PTPN4: variants seen among roughly 807,000 people sequenced by gnomAD.
The protein encoded by PTPN4 is tyrosine-protein phosphatase non-receptor type 4.
PTPN4 carries 49 observed loss-of-function variants against 135.5 expected under a neutral mutation model. The ratio of observed to expected loss-of-function variants is 0.36; its 90% CI spans 0.29 to 0.46. The LOEUF (loss-of-function observed/expected upper bound fraction) is 0.46, where lower values mean the gene tolerates loss of function less well. Ranked by LOEUF, PTPN4 falls within the 20% of genes least tolerant of loss-of-function variation. The pLI is 1.00. For missense variants in PTPN4, 860 were observed against 1,101.0 expected, an observed-to-expected ratio of 0.78 and a Z score of 3.10; for synonymous variants, 333 against 369.9, an observed-to-expected ratio of 0.90 and a Z score of 1.14.
At chr2:119,844,320 G>A (rs1198110516) in intron 2 of PTPN4, among the ~76,000 whole-genome samples, 3 of 133,946 alleles carry the variant, frequency 2.2e-5, no homozygotes, top group African/African-American at 8.6e-5. Context: ...CGGCTGGCCG[G>A]ACGGGGCGGC....
intron 2 of PTPN4, among the ~76,000 whole-genome samples, chr2:119,836,105 C>T (rs1372887329): frequency 6.6e-6 from 1 of 151,796 alleles, no homozygotes; most frequent in Non-Finnish European, 1.5e-5. Flanking sequence ...AAAGGAACCT[C>T]AGAGATCACT....
In PTPN4 at chr2:119,823,038, A is replaced by C. The variant is rs575516061; in HGVS notation, c.138+13047A>C. ...TAACCAGTTTGTAATCAAGCACCTA[A>C]ATATTGCAATCTTATCTCAACCTTT... On this transcript the variant is annotated intron_variant, in intron 2 of 26. Coordinates refer to ENST00000263708, the MANE Select transcript of PTPN4 (RefSeq NM_002830.4). 1.7e-3 allele frequency among the ~76,000 whole-genome samples: 262 copies of C among 152,236 alleles called. 1 individual carries two copies. Among genetic ancestry groups the C allele is most frequent in the Middle Eastern group, 3.4e-3 (1 of 294 alleles).
intron 9 of PTPN4, among the ~76,000 whole-genome samples, chr2:119,900,443 A>G (rs1026564865): frequency 3.9e-4 from 59 of 152,100 alleles, no homozygotes; most frequent in African/African-American, 1.4e-3. Context: ...TTCCTATTCC[A>G]AAGAGTCAGT....
rs1029634071 is a variant in PTPN4, at chr2:119,981,094, A to G, written c.*4024A>G. ...AGGTTGCCAAAGTAATTTTGAATTC[A>G]TAAAAATTGTTTATACCACAATAAT... On this transcript the variant is annotated 3_prime_UTR_variant, in exon 27 of 27. Coordinates refer to ENST00000263708, the MANE Select transcript of PTPN4 (RefSeq NM_002830.4). 3.3e-5 allele frequency: 5 copies of G among 152,088 alleles called. No homozygotes were observed. The highest frequency in any genetic ancestry group is 4.4e-5 in the Non-Finnish European group (3 of 67,928). 9.4% of individuals were successfully genotyped at this position (152,088 alleles called of 1,614,324 possible).
chr2:119,834,668 G>A (rs775218922), intron 2 of PTPN4, among the ~76,000 whole-genome samples: 6 of 152,076 alleles, frequency 3.9e-5, no homozygotes, highest in Non-Finnish European at 8.8e-5. Context: ...GTATTGCATA[G>A]TGGCTCTAAG....
chr2:119,859,727 G>C (rs1350350713), intron 2 of PTPN4, among the ~76,000 whole-genome samples: 1 of 152,198 alleles, frequency 6.6e-6, no homozygotes, highest in Non-Finnish European at 1.5e-5. Flanking sequence ...CCCTAGAGGA[G>C]ATATTATGAA....
rs755456644 is a variant in PTPN4 at position 119,962,622 on chromosome 2, T to A, written c.2287T>A (p.Cys763Ser). 28 of 1,479,524 alleles carry A rather than the reference T, an allele frequency of 1.9e-5. No homozygotes were observed. The highest frequency in any genetic ancestry group is 2.5e-5 in the Non-Finnish European group (28 of 1,099,834). 91.6% of individuals were successfully genotyped at this position (1,479,524 alleles called of 1,614,324 possible). ...TTQVERGRVK[C>S]HQYWPEPTGS... ...TTATTTATATCAATATCAGGTTAAATGTCACCAATATTGGCCAGAACCCAC... is the reference window on the plus strand; with the variant it reads ...TTATTTATATCAATATCAGGTTAAAAGTCACCAATATTGGCCAGAACCCAC... The change falls in exon 24 of 27, where the codon TGT (cysteine) becomes AGT (serine). Residue 763 changes from cysteine to serine, a missense_variant. Cys to Ser is a moderately radical substitution (Grantham distance 112). Coordinates refer to ENST00000263708, the MANE Select transcript of PTPN4 (RefSeq NM_002830.4).
chr2:119,967,705 T>C, intron 25 of PTPN4, 132 bp from the exon 26 acceptor site: 1 of 729,226 alleles, frequency 1.4e-6, no homozygotes, highest in South Asian at 4.3e-5. Flanking sequence ...TGTATTTGGC[T>C]TACTACTTTT....
chr2:119,763,452 A>C (rs973084109), intron 1 of PTPN4, among the ~76,000 whole-genome samples: 2 of 152,110 alleles, frequency 1.3e-5, no homozygotes, highest in Non-Finnish European at 2.9e-5. Context: ...GGGGCTTTTC[A>C]TGTTGTCCCA....
At chr2:119,909,263 T>G (rs1678533709) in intron 10 of PTPN4, among the ~76,000 whole-genome samples, 2 of 152,208 alleles carry the variant, frequency 1.3e-5, no homozygotes, top group African/African-American at 4.8e-5. Context: ...TTCAAAGGAC[T>G]GACTGACTCT....
At chr2:119,970,206 C>A (rs1404784559) in intron 26 of PTPN4, among the ~76,000 whole-genome samples, 1 of 151,890 alleles carries the variant, frequency 6.6e-6, no homozygotes, top group African/African-American at 2.4e-5. Context: ...ATTACAGGCA[C>A]CCGCAACCAC....
At chr2:119,895,916 C>CAA (rs534245263) in intron 9 of PTPN4, among the ~76,000 whole-genome samples, 35,594 of 110,652 alleles carry the variant, frequency 0.32, 4,537 homozygotes, top group South Asian at 0.38. Flanking sequence ...GACTCTGTCT[C>CAA]AAAAAAAAAA....
chr2:119,883,599 G>A (rs946412622), intron 8 of PTPN4, among the ~76,000 whole-genome samples: 3 of 152,130 alleles, frequency 2.0e-5, no homozygotes, highest in South Asian at 2.1e-4. Flanking sequence ...GCAGTGTTGC[G>A]TATTGGCTAA....
At chr2:119,769,108 A>G (rs1406406902) in intron 1 of PTPN4, among the ~76,000 whole-genome samples, 1 of 152,222 alleles carries the variant, frequency 6.6e-6, no homozygotes, top group Non-Finnish European at 1.5e-5. Context: ...AGGCACACTG[A>G]CAGAGCTCCT....
At chr2:119,842,945 A>G (rs1349987418) in intron 2 of PTPN4, among the ~76,000 whole-genome samples, 1 of 152,196 alleles carries the variant, frequency 6.6e-6, no homozygotes, top group Non-Finnish European at 1.5e-5. Flanking sequence ...AGCATAAAGT[A>G]TTATATATGA....
rs370792318 is a variant in PTPN4, at chr2:119,945,173, C to T, written c.1448C>T (p.Ser483Leu). ...NSWNQIHYSH[S>L]QQDLESHINE... Reference sequence around the variant, plus strand: ...TGGAACCAAATTCATTATTCACATTCGCAACAAGATCTAGAAAGTCATATT... The same window carrying T: ...TGGAACCAAATTCATTATTCACATTTGCAACAAGATCTAGAAAGTCATATT... The change falls in exon 16 of 27, where the codon TCG (serine) becomes TTG (leucine). Residue 483 changes from serine to leucine, a missense_variant. By Grantham distance (145) the Ser-to-Leu change is moderately radical. Transcript: ENST00000263708. 4.9e-5 allele frequency: 79 copies of T among 1,596,784 alleles called. No individual in the cohort carries two copies. In the African/African-American group the frequency reaches 6.6e-4, roughly 13 times the overall value.
intron 23 of PTPN4, 38 bp from the exon 24 acceptor site, chr2:119,962,578 A>G (rs763458885): frequency 5.6e-5 from 64 of 1,136,766 alleles, no homozygotes; most frequent in Non-Finnish European, 7.3e-5. Context: ...ATCCATATGT[A>G]TATAATTTTA....
intron 11 of PTPN4, among the ~76,000 whole-genome samples, chr2:119,917,685 C>T (rs1473172809): frequency 6.6e-6 from 1 of 151,784 alleles, no homozygotes; most frequent in African/African-American, 2.4e-5. Flanking sequence ...GCCAATATCG[C>T]ACCACTGTAC....
At chr2:119,914,707 T>G (rs1001328718) in intron 10 of PTPN4, among the ~76,000 whole-genome samples, 1 of 152,182 alleles carries the variant, frequency 6.6e-6, no homozygotes, top group African/African-American at 2.4e-5. Context: ...ACAAAATGAC[T>G]TGGCTCATAT....
Sources: gnomAD v4.1 joint callset for allele counts (sites outside exome capture counted in the v4.1 genomes callset) on GRCh38, gnomAD v4.1.1 for gene constraint, MANE v1.5 for transcripts, NCBI Gene and HGNC (gene_info 2026-07-23, HGNC 2026-07-21) for gene names.